GRIK2: variants seen among roughly 807,000 people sequenced by gnomAD.
GRIK2 encodes the protein glutamate receptor ionotropic, kainate 2.
GRIK2 carries 32 observed loss-of-function variants against 100.3 expected under a neutral mutation model. That is an observed-to-expected ratio of 0.32 (90% CI 0.24 to 0.43). The LOEUF is 0.43. GRIK2 is among the 20% of genes least tolerant of loss of function. The probability of loss-of-function intolerance (pLI) is 1.00; values close to 1 mark genes in which losing one functional copy is unlikely to be tolerated. For missense variants in GRIK2, 843 were observed against 1,114.9 expected, an observed-to-expected ratio of 0.76 and a Z score of 3.47; for synonymous variants, 417 against 389.4, an observed-to-expected ratio of 1.07 and a Z score of -0.83.
intron 2 of GRIK2, among the ~76,000 whole-genome samples, chr6:101,463,031 A>G (rs993239798): frequency 6.6e-6 from 1 of 152,234 alleles, no homozygotes; most frequent in African/African-American, 2.4e-5. Context: ...TTAAAACACC[A>G]TAAATCAATG....
intron 12 of GRIK2, among the ~76,000 whole-genome samples, chr6:101,922,427 C>A (rs1789615825): frequency 6.6e-6 from 1 of 152,034 alleles, no homozygotes; most frequent in African/African-American, 2.4e-5. Context: ...TATGGGAAAA[C>A]TAAATCTAGC....
chr6:102,055,626 T>C, intron 16 of GRIK2, 46 bp downstream of exon 16: 2 of 1,447,062 alleles, frequency 1.4e-6, no homozygotes, highest in African/African-American at 1.4e-5. Flanking sequence ...ATTTTTGTTG[T>C]TACAATAAAA....
chr6:101,820,506 C>A (rs1338802232), intron 10 of GRIK2, among the ~76,000 whole-genome samples: 1 of 152,130 alleles, frequency 6.6e-6, no homozygotes, highest in Non-Finnish European at 1.5e-5. Flanking sequence ...AGTGCAGACT[C>A]ATGATCTCGG....
intron 14 of GRIK2, among the ~76,000 whole-genome samples, chr6:102,033,434 G>C (rs1020803907): frequency 1.4e-4 from 21 of 151,200 alleles, no homozygotes; most frequent in African/African-American, 4.1e-4. Flanking sequence ...GAGTGGGTTG[G>C]GGGAGTCATC....
chr6:101,697,334 GGTGTACGTGTGTGTGTGTGTGTGT>G (rs1281717316), intron 7 of GRIK2, among the ~76,000 whole-genome samples: 2 of 144,214 alleles, frequency 1.4e-5, no homozygotes, highest in East Asian at 4.0e-4. Flanking sequence ...AGATACTTAG[GGTGTACGTGTGTGTGTGTGTGTGT>G]GTGTGTGTGT....
chr6:101,757,728 A>G (rs962395367), intron 7 of GRIK2, among the ~76,000 whole-genome samples: 1 of 152,198 alleles, frequency 6.6e-6, no homozygotes, highest in South Asian at 2.1e-4. Flanking sequence ...ATCCTGTGTT[A>G]ATGGAATTGA....
At chr6:101,913,749 C>G (rs1015107462) in intron 12 of GRIK2, among the ~76,000 whole-genome samples, 1 of 151,172 alleles carries the variant, frequency 6.6e-6, no homozygotes, top group Non-Finnish European at 1.5e-5. Flanking sequence ...AGAACATTAA[C>G]AAAGTAAAGA....
chr6:101,540,677 T>G (rs1243278853), intron 2 of GRIK2, among the ~76,000 whole-genome samples: 1 of 152,028 alleles, frequency 6.6e-6, no homozygotes. Flanking sequence ...AGTGGGTATA[T>G]TCAAGCAGTT....
At chr6:101,744,095 A>C (rs1345536108) in intron 7 of GRIK2, among the ~76,000 whole-genome samples, 1 of 151,932 alleles carries the variant, frequency 6.6e-6, no homozygotes, top group African/African-American at 2.4e-5. Context: ...GGCGCCCGCC[A>C]CCACGCCCGG....
At chr6:101,989,109 T>G (rs773349340) in intron 14 of GRIK2, among the ~76,000 whole-genome samples, 1 of 152,044 alleles carries the variant, frequency 6.6e-6, no homozygotes, top group East Asian at 1.9e-4. Context: ...CTTTAGCATG[T>G]GCATCTTAAC....
intron 15 of GRIK2, among the ~76,000 whole-genome samples, chr6:102,045,417 C>A (rs532678144): frequency 6.6e-6 from 1 of 152,078 alleles, no homozygotes; most frequent in East Asian, 1.9e-4. Flanking sequence ...GAAAGGTGTA[C>A]ATAGAAAAGG....
intron 14 of GRIK2, among the ~76,000 whole-genome samples, chr6:101,987,735 A>T (rs1794098291): frequency 6.6e-6 from 1 of 151,194 alleles, no homozygotes; most frequent in South Asian, 2.1e-4. Flanking sequence ...TTCATTTTTT[A>T]AACTAGTAAT....
intron 12 of GRIK2, among the ~76,000 whole-genome samples, chr6:101,913,867 A>G (rs189740313): frequency 1.5e-4 from 23 of 151,698 alleles, no homozygotes; most frequent in African/African-American, 5.5e-4. Context: ...AGTAGAAAAA[A>G]TGATATGACT....
intron 2 of GRIK2, among the ~76,000 whole-genome samples, chr6:101,513,136 T>C (rs963247633): frequency 6.6e-6 from 1 of 152,160 alleles, no homozygotes; most frequent in African/African-American, 2.4e-5. Context: ...AGCTTGGTTT[T>C]ATACACTTCA....
At chr6:101,654,986 C>A (rs1169153296) in intron 4 of GRIK2, among the ~76,000 whole-genome samples, 1 of 152,144 alleles carries the variant, frequency 6.6e-6, no homozygotes, top group East Asian at 1.9e-4. Flanking sequence ...CCTGGTACAA[C>A]TAACTTTGAC....
intron 7 of GRIK2, among the ~76,000 whole-genome samples, chr6:101,781,690 TA>T (rs1362977531): frequency 4.6e-5 from 7 of 152,164 alleles, no homozygotes; most frequent in Admixed American, 4.6e-4. Context: ...TCTAAATTTT[TA>T]AATATTTTAA....
chr6:101,629,534 G>A (rs1216719539), intron 4 of GRIK2, among the ~76,000 whole-genome samples: 1 of 152,042 alleles, frequency 6.6e-6, no homozygotes, highest in Non-Finnish European at 1.5e-5. Flanking sequence ...TATTTGCAAT[G>A]GGATAATTGC....
intron 7 of GRIK2, among the ~76,000 whole-genome samples, chr6:101,709,765 T>A (rs1371670956): frequency 6.6e-6 from 1 of 151,798 alleles, no homozygotes; most frequent in African/African-American, 2.4e-5. Flanking sequence ...TATAGCAGTA[T>A]CTGGATTGCA....
intron 12 of GRIK2, among the ~76,000 whole-genome samples, chr6:101,901,984 TTAAA>T (rs1204932174): frequency 3.3e-5 from 5 of 151,966 alleles, no homozygotes; most frequent in Non-Finnish European, 5.9e-5. Flanking sequence ...ACACTACCAA[TTAAA>T]TAATGTCGAG....
Sources: gnomAD v4.1 joint callset for allele counts (sites outside exome capture counted in the v4.1 genomes callset) on GRCh38, gnomAD v4.1.1 for gene constraint, MANE v1.5 for transcripts, NCBI Gene and HGNC (gene_info 2026-07-23, HGNC 2026-07-21) for gene names.